Variants in KYAT3 observed in about 807,000 individuals in gnomAD.
KYAT3 encodes the protein kynurenine aminotransferase 3.
A neutral mutation model predicts 59.0 loss-of-function variants in KYAT3; 50 were observed. The observed-to-expected ratio is 0.85, with a 90% confidence interval of 0.68 to 1.07. KYAT3 has a LOEUF of 1.07. KYAT3 is among the 50% of genes least tolerant of loss of function. The pLI, the probability that KYAT3 is intolerant of heterozygous loss-of-function variation, is 0.00. For synonymous variants in KYAT3, 148 were observed against 177.0 expected (o/e 0.84, Z 1.30); for missense variants, 497 against 533.3 (o/e 0.93, Z 0.67).
chr1:88,972,670 C>T (rs1257398132), intron 2 of KYAT3, among the ~76,000 whole-genome samples: 1 of 152,222 alleles, frequency 6.6e-6, no homozygotes, highest in East Asian at 1.9e-4. Context: ...GCTGATGAAA[C>T]AGCCTTCACC....
At chr1:88,958,016 T>G (rs1329112373) in intron 8 of KYAT3, among the ~76,000 whole-genome samples, 3 of 152,202 alleles carry the variant, frequency 2.0e-5, no homozygotes, top group Non-Finnish European at 4.4e-5. Flanking sequence ...AGAAAATTCA[T>G]TCTCTTCCAT....
At chr1:88,921,455 G>GT in the KYAT3 span, among the ~76,000 whole-genome samples, 5 of 152,104 alleles carry the variant, frequency 3.3e-5, no homozygotes, top group East Asian at 9.6e-4. Context: ...CCAAACCACA[G>GT]TTTTTATCAT....
At chr1:88,934,381 G>A (rs770722257), downstream of KYAT3, among the ~76,000 whole-genome samples, 7 of 152,166 alleles carry the variant, frequency 4.6e-5, no homozygotes, top group African/African-American at 1.2e-4. Context: ...TTGAACCTGG[G>A]GGGCAGAGGT....
At chr1:88,955,090 AC>A (rs1423059819) in intron 9 of KYAT3, 58 bp downstream of exon 9, 2 of 1,167,216 alleles carry the variant, frequency 1.7e-6, no homozygotes, top group African/African-American at 3.1e-5. Context: ...AAACCACTCA[AC>A]AAAAAATAAA....
At chr1:88,971,713 C>T (rs1435191174) in intron 2 of KYAT3, among the ~76,000 whole-genome samples, 6 of 152,162 alleles carry the variant, frequency 3.9e-5, no homozygotes. Context: ...CTGGTCCCCA[C>T]CACCCTTCCT....
chr1:88,962,064 T>A lies in KYAT3; in HGVS notation c.535A>T (p.Arg179Ter), dbSNP rs952183286. The A allele has an allele frequency of 2.0e-5, 33 of 1,612,778 alleles. No homozygotes were observed. The Admixed American group carries it at 2.7e-4, about 13-fold the overall frequency. Residue 179 changes from arginine to a stop codon, truncating the protein, a stop_gained, in exon 6 of 14, where the codon AGA becomes TGA. Coordinates refer to ENST00000260508, the MANE Select transcript of KYAT3 (RefSeq NM_001008661.3). LOFTEE classifies it high-confidence loss of function. ...AACCATACTGGCAAACTTACAGATC[T>A]CAGGGGAATAAAAACAGGTGTTGCT... ...AGATPVFIPL[R>*]SKPVYGKRWS...
At chr1:88,938,634 A>C (rs1286211664) in intron 13 of KYAT3, among the ~76,000 whole-genome samples, 3 of 152,106 alleles carry the variant, frequency 2.0e-5, no homozygotes, top group African/African-American at 7.2e-5. Flanking sequence ...AGAACATGTG[A>C]TATTTGGTTT....
chr1:88,955,302 G>A, intron 8 of KYAT3, 77 bp from the exon 9 acceptor site: 2 of 832,692 alleles, frequency 2.4e-6, no homozygotes, highest in Non-Finnish European at 3.9e-6. Flanking sequence ...ACATAACAAA[G>A]ATACATAAAT....
At chr1:88,954,503 G>A (rs1675822162) in intron 9 of KYAT3, among the ~76,000 whole-genome samples, 1 of 152,140 alleles carries the variant, frequency 6.6e-6, no homozygotes, top group African/African-American at 2.4e-5. Context: ...TTTAGAACCT[G>A]CCAAAATATT....
chr1:88,990,845 A>C (rs1363668327), intron 1 of KYAT3, among the ~76,000 whole-genome samples: 1 of 152,212 alleles, frequency 6.6e-6, no homozygotes, highest in African/African-American at 2.4e-5. Flanking sequence ...TAATGCAATC[A>C]ACATTGCATA....
At position 88,942,911 on chromosome 1, in the gene KYAT3, T is replaced by C. The variant is rs1675293950; in HGVS notation, c.1302+94A>G. On this transcript the variant is annotated intron_variant, in intron 13 of 13. Transcript: ENST00000260508. ...TAAGCCAAAATTTAAAAACTGCATA[T>C]GAGCATATCATTTTTAGAAACAGAA... The C allele has an allele frequency of 1.0e-5, 10 of 974,454 alleles. No individual in the cohort carries two copies. In the Admixed American group the frequency reaches 2.1e-4, roughly 20 times the overall value. The allele number at this position is 974,454 out of a possible 1,614,324, so 60.4% of individuals were successfully genotyped here.
Position 88,961,460 on chromosome 1 carries a change from T to C in KYAT3, c.587A>G (p.Asp196Gly), listed in dbSNP as rs1287806887. The change falls in exon 7 of 14, where the codon GAT becomes GGT. Residue 196 changes from aspartate (D) to glycine (G), a missense_variant. Asp to Gly is a moderately conservative substitution (Grantham distance 94, BLOSUM62 -1). Coordinates refer to ENST00000260508, the MANE Select transcript of KYAT3 (RefSeq NM_001008661.3). ...AAATTTACTTTCCAGTTCTTGAGGA[T>C]CTAATGTCCAGTCAGAACTAGACCA... ...KRWSSSDWTL[D>G]PQELESKFNS... 2 of 1,613,430 alleles carry C rather than the reference T, an allele frequency of 1.2e-6. No individual in the cohort carries two copies. Among genetic ancestry groups the C allele is most frequent in the Admixed American group, 1.7e-5 (1 of 60,014 alleles).
At chr1:88,922,321 G>A in the KYAT3 span, among the ~76,000 whole-genome samples, 37 of 152,302 alleles carry the variant, frequency 2.4e-4, no homozygotes, top group Middle Eastern at 3.4e-3. Flanking sequence ...TATAGGCCCT[G>A]ATGAGGAAAG....
In KYAT3 at chr1:88,936,081, C is replaced by T. The variant is rs1275151333; in HGVS notation, c.*102G>A. 2.7e-6 allele frequency: 2 copies of T among 744,104 alleles called. No individual in the cohort carries two copies. The highest frequency in any genetic ancestry group is 4.4e-6 in the Non-Finnish European group (2 of 451,748). 46.1% of individuals were successfully genotyped at this position (744,104 alleles called of 1,614,324 possible). Reference sequence around the variant, plus strand: ...GAAAAACAATGGAAATATTTAAATTCCAGTTGTACTGAAATACCTTTTAAC... The same window carrying T: ...GAAAAACAATGGAAATATTTAAATTTCAGTTGTACTGAAATACCTTTTAAC... On this transcript the variant is annotated 3_prime_UTR_variant, in exon 14 of 14. Transcript: ENST00000260508.
intron 2 of KYAT3, chr1:88,979,618 C>T (rs879064086): frequency 2.0e-5 from 3 of 152,044 alleles, no homozygotes; most frequent in Admixed American, 6.6e-5. Context: ...ATTAGTCACC[C>T]GGGGAAATGA....
At chr1:88,968,586 G>T in intron 4 of KYAT3, 84 bp downstream of exon 4, 1 of 1,109,278 alleles carries the variant, frequency 9.0e-7, no homozygotes, top group Non-Finnish European at 1.2e-6. Flanking sequence ...ATATATGAAT[G>T]ACAGAAGGGC....
chr1:88,953,135 A>G lies in KYAT3; in HGVS notation c.882T>C (p.Gly294=). The change falls in exon 10 of 14, where the codon GGT becomes GGC. Residue 294 remains glycine (G), a synonymous_variant. Transcript: ENST00000260508. ...VTGWKLGWSI[G]PNHLIKHLQT... is the part of the protein sequence containing the mutation. ...GTAAATGTTTTATCAAATGATTTGG[A>G]CCAATGGACCAGCCAAGCTGGGAAA... 6.2e-7 allele frequency: 1 copy of G among 1,612,408 alleles called. No individual in the cohort carries two copies. The highest frequency in any genetic ancestry group is 8.5e-7 in the Non-Finnish European group (1 of 1,178,492).
At chr1:88,960,906 A>G (rs776376345) in intron 8 of KYAT3, among the ~76,000 whole-genome samples, 1 of 152,250 alleles carries the variant, frequency 6.6e-6, no homozygotes, top group African/African-American at 2.4e-5. Context: ...TCTGCTAAGA[A>G]GCCAGGGATA....
At chr1:88,968,442 C>T (rs1273414887) in intron 4 of KYAT3, among the ~76,000 whole-genome samples, 2 of 152,008 alleles carry the variant, frequency 1.3e-5, no homozygotes, top group South Asian at 2.1e-4. Flanking sequence ...CTTGGAGCAA[C>T]AGTAAAGTAA....
Sources: gnomAD v4.1 joint callset for allele counts (sites outside exome capture counted in the v4.1 genomes callset) on GRCh38, gnomAD v4.1.1 for gene constraint, MANE v1.5 for transcripts, NCBI Gene and HGNC (gene_info 2026-07-23, HGNC 2026-07-21) for gene names.